ATP1A2: variants seen among roughly 807,000 people sequenced by gnomAD.
The protein encoded by ATP1A2 is sodium/potassium-transporting ATPase subunit alpha-2.
ATP1A2 carries 56 observed loss-of-function variants against 113.1 expected under a neutral mutation model. That is an observed-to-expected ratio of 0.49 (90% CI 0.40 to 0.62). ATP1A2 has a LOEUF of 0.62. Ranked by LOEUF, ATP1A2 falls within the 20% of genes least tolerant of loss-of-function variation. ATP1A2 has a pLI of 0.00. For synonymous variants in ATP1A2, 490 were observed against 526.8 expected (o/e 0.93, Z 0.96); for missense variants, 712 against 1,357.8 (o/e 0.52, Z 7.47).
intron 10 of ATP1A2, 64 bp from the exon 11 acceptor site, chr1:160,129,202 C>T (rs1651690102): frequency 1.2e-6 from 2 of 1,613,008 alleles, no homozygotes; most frequent in Non-Finnish European, 1.7e-6. Flanking sequence ...TCAGTGCCGC[C>T]TTCACCTGAT....
chr1:160,124,151 G>A (rs1651507273), intron 5 of ATP1A2, 95 bp downstream of exon 5: 1 of 1,567,716 alleles, frequency 6.4e-7, no homozygotes, highest in Non-Finnish European at 8.7e-7. Context: ...AGATAGAGAT[G>A]GACAGAAAAG....
intron 3 of ATP1A2, among the ~76,000 whole-genome samples, chr1:160,122,445 C>A (rs1250737283): frequency 1.3e-5 from 2 of 150,902 alleles, no homozygotes; most frequent in South Asian, 4.2e-4. Flanking sequence ...AGAAACGGTC[C>A]CTGCTTTAAA....
rs879916935 is a variant in ATP1A2, at chr1:160,118,240, T to C, written c.12+2367T>C. Among the ~76,000 whole-genome samples, 6 of 152,214 alleles carry C rather than the reference T, an allele frequency of 3.9e-5. No individual in the cohort carries two copies. In the East Asian group the frequency reaches 7.7e-4, roughly 20 times the overall value. On this transcript the variant is annotated intron_variant, in intron 1 of 22. Transcript: ENST00000361216. ...AGCATGCATTTTATTCCAATTTTTA[T>C]GAAATTTATTTCACATCTGAATATA...
In ATP1A2 at chr1:160,141,487, G is replaced by T; in HGVS notation, c.*165G>T. 1 of 831,052 alleles carries T rather than the reference G, an allele frequency of 1.2e-6. No homozygotes were observed. Among genetic ancestry groups the T allele is most frequent in the East Asian group, 2.6e-5 (1 of 38,076 alleles). 51.5% of individuals were successfully genotyped at this position (831,052 alleles called of 1,614,324 possible). ...TAAGTTGCGGGGTATATAAATTGGGGTGATGACCCCATAGACCTAACTGTG... is the reference window on the plus strand; with the variant it reads ...TAAGTTGCGGGGTATATAAATTGGGTTGATGACCCCATAGACCTAACTGTG... On this transcript the variant is annotated 3_prime_UTR_variant, in exon 23 of 23. Transcript: ENST00000361216.
intron 11 of ATP1A2, among the ~76,000 whole-genome samples, chr1:160,129,831 G>A (rs560072153): frequency 1.3e-5 from 2 of 152,244 alleles, no homozygotes; most frequent in South Asian, 2.1e-4. Flanking sequence ...GCTGAGGAGG[G>A]AGCCGTTCAG....
chr1:160,126,162 C>G (rs1302336946), intron 7 of ATP1A2, among the ~76,000 whole-genome samples: 1 of 152,104 alleles, frequency 6.6e-6, no homozygotes, highest in African/African-American at 2.4e-5. Flanking sequence ...TCCAGGACCC[C>G]CTTCGTTACC....
In ATP1A2 at chr1:160,141,579, A is replaced by G. The variant is rs534163155; in HGVS notation, c.*257A>G. 2 of 552,404 alleles carry G rather than the reference A, an allele frequency of 3.6e-6. No homozygotes were observed. Among genetic ancestry groups the G allele is most frequent in the South Asian group, 4.0e-5 (2 of 50,042 alleles). The allele number at this position is 552,404 out of a possible 1,614,324, so 34.2% of individuals were successfully genotyped here. A position where few individuals can be genotyped will look rare whatever the true frequency, so the allele number is the denominator to read the frequency against. On this transcript the variant is annotated 3_prime_UTR_variant, in exon 23 of 23. Transcript: ENST00000361216. Reference sequence around the variant, plus strand: ...AGATCCTTTTCCATCCCACTCCACTATGTTGTCTATTTTTTCTGAGGAATT... The same window carrying G: ...AGATCCTTTTCCATCCCACTCCACTGTGTTGTCTATTTTTTCTGAGGAATT...
chr1:160,125,317 G>A (rs1651552452), intron 7 of ATP1A2, 64 bp downstream of exon 7: 1 of 1,461,444 alleles, frequency 6.8e-7, no homozygotes, highest in African/African-American at 1.4e-5. Context: ...TCAGGATGAA[G>A]GGCTCTGGTA....
chr1:160,123,501 C>T, intron 4 of ATP1A2, 85 bp downstream of exon 4: 2 of 1,542,696 alleles, frequency 1.3e-6, no homozygotes, highest in Non-Finnish European at 1.8e-6. Context: ...GGGCAGGGAA[C>T]AAGGCCCTCA....
At chr1:160,126,526 G>A (rs1477661568) in intron 7 of ATP1A2, among the ~76,000 whole-genome samples, 1 of 152,148 alleles carries the variant, frequency 6.6e-6, no homozygotes, top group Admixed American at 6.5e-5. Flanking sequence ...CTGGAGTGCA[G>A]TGGTGCAATC....
At chr1:160,136,545 CCT>C in intron 18 of ATP1A2, 23 bp from the exon 19 acceptor site, 1 of 1,614,230 alleles carries the variant, frequency 6.2e-7, no homozygotes, top group Non-Finnish European at 8.5e-7. Flanking sequence ...TGACCCTGCC[CCT>C]GCCTTTGGCC....
At position 160,116,878 on chromosome 1, in the gene ATP1A2, C is replaced by T. The variant is rs532458697; in HGVS notation, c.12+1005C>T. Among the ~76,000 whole-genome samples the T allele has an allele frequency of 2.0e-3, 300 of 152,174 alleles. 2 individuals are homozygous for T. Among genetic ancestry groups the T allele is most frequent in the Admixed American group, 8.4e-3 (128 of 15,296 alleles). On this transcript the variant is annotated intron_variant, in intron 1 of 22. Transcript: ENST00000361216. ...AGTTGAGCAGCTGGGAAATCCTGAG[C>T]CTGGACACCAGGGTTCCTGAGCTAG... is the stretch of plus-strand genomic sequence containing the variant.
At chr1:160,137,345 G>A in intron 20 of ATP1A2, 1 of 424,896 alleles carries the variant, frequency 2.4e-6, no homozygotes, top group South Asian at 2.1e-5. Context: ...AGTGTCTTCT[G>A]TGCCCACCCC....
Position 160,129,292 on chromosome 1 carries a change from G to A in ATP1A2, c.1353G>A (p.Glu451=). The A allele has an allele frequency of 6.2e-7, 1 of 1,614,176 alleles. No individual in the cohort carries two copies. Among genetic ancestry groups the A allele is most frequent in the Non-Finnish European group, 8.5e-7 (1 of 1,180,040 alleles). Residue 451 remains glutamate, a synonymous_variant, in exon 11 of 23, where the codon GAG becomes GAA. Coordinates refer to ENST00000361216, the MANE Select transcript of ATP1A2 (RefSeq NM_000702.4). ...SKRDTAGDAS[E]SALLKCIELS... ...GGGACACAGCTGGTGATGCCTCTGA[G>A]TCAGCTCTGCTCAAGTGCATTGAGC...
rs762595568 is a variant in ATP1A2 at position 160,124,315 on chromosome 1, AG to A, written c.518del (p.Gly173GlufsTer19). 6.2e-7 allele frequency: 1 copy of A among 1,608,040 alleles called. No individual in the cohort carries two copies. Among genetic ancestry groups the A allele is most frequent in the South Asian group, 1.1e-5 (1 of 89,880 alleles). Reference sequence around the variant, plus strand: ...CCACAGCAAGCCCTTGTGATCCGGGAGGGAGAGAAGATGCAGATCAACGCAG... The same window carrying A: ...CCACAGCAAGCCCTTGTGATCCGGGAGGAGAGAAGATGCAGATCAACGCAG... ...MVPQQALVIR[E>X]GEKMQINAEE... On this transcript the variant is annotated frameshift_variant, in exon 6 of 23. Transcript: ENST00000361216. LOFTEE classifies it high-confidence loss of function.
At chr1:160,137,433 G>A (rs931351377) in intron 20 of ATP1A2, among the ~76,000 whole-genome samples, 1 of 152,138 alleles carries the variant, frequency 6.6e-6, no homozygotes, top group African/African-American at 2.4e-5. Context: ...CCGAGGGTCG[G>A]GTTCAGCGCT....
At chr1:160,118,552 T>G (rs949753854) in intron 1 of ATP1A2, among the ~76,000 whole-genome samples, 2 of 152,134 alleles carry the variant, frequency 1.3e-5, no homozygotes, top group African/African-American at 4.8e-5. Context: ...TCCCCACCCC[T>G]TCCATTGGGC....
chr1:160,136,186 C>T, intron 17 of ATP1A2, 61 bp from the exon 18 acceptor site: 1 of 1,611,718 alleles, frequency 6.2e-7, no homozygotes, highest in Non-Finnish European at 8.5e-7. Flanking sequence ...AGATCAATTG[C>T]TTCTGTCATC....
rs1437088241 is a variant in ATP1A2, at chr1:160,136,488, C to T, written c.2564-82C>T. The T allele has an allele frequency of 1.9e-6, 3 of 1,612,736 alleles. No individual in the cohort carries two copies. The African/African-American group carries it at 4.0e-5, about 22-fold the overall frequency. ...AGGCCAGCTACCCAAGGGTCAGGGA[C>T]CTCCATCTCTGGCCCTGAGGGGCTG... is the stretch of plus-strand genomic sequence containing the variant. On this transcript the variant is annotated intron_variant, in intron 18 of 22. Coordinates refer to ENST00000361216, the MANE Select transcript of ATP1A2 (RefSeq NM_000702.4).
Sources: gnomAD v4.1 joint callset for allele counts (sites outside exome capture counted in the v4.1 genomes callset) on GRCh38, gnomAD v4.1.1 for gene constraint, MANE v1.5 for transcripts, NCBI Gene and HGNC (gene_info 2026-07-23, HGNC 2026-07-21) for gene names.